Variants in ZNF850 observed in about 807,000 individuals in gnomAD.
The protein encoded by ZNF850 is zinc finger protein 850.
In ZNF850, 2 loss-of-function variants were observed where a neutral mutation model predicts 11.9. The observed-to-expected ratio is 0.17, with a 90% CI of 0.07 to 0.53. The LOEUF (loss-of-function observed/expected upper bound fraction) is 0.53. ZNF850 is among the 20% of genes least tolerant of loss of function. ZNF850 has a pLI of 0.94. For missense variants in ZNF850, 1,014 were observed against 1,316.4 expected, an observed-to-expected ratio of 0.77 and a Z score of 3.55; for synonymous variants, 381 against 443.0, an observed-to-expected ratio of 0.86 and a Z score of 1.76.
At position 36,749,232 on chromosome 19, in the gene ZNF850, G is replaced by A. The variant is rs1014603324; in HGVS notation, c.1808C>T (p.Thr603Ile). 11 of 1,589,498 alleles carry A rather than the reference G, an allele frequency of 6.9e-6. No individual in the cohort carries two copies. The African/African-American group carries it at 1.2e-4, about 18-fold the overall frequency. The change falls in exon 5 of 5, where the codon ACA (threonine) becomes ATA (isoleucine). Residue 603 changes from threonine (T) to isoleucine (I), a missense_variant. Transcript: ENST00000591344. ...GTGAATTTGCTGATGTTGAAGTAGT[G>A]TTGAGCCAACAGTAAAAGATTTTCC... ...ECGKSFTVGS[T>I]LLQHQQIHTG...
chr19:36,748,933 A>G lies in ZNF850; in HGVS notation c.2107T>C (p.Cys703Arg), dbSNP rs1301190791. ...RIHTGEKPYE[C>R]KECGKSFTFC... ...GTAAAAGATTTCCCACATTCTTTAC[A>G]TTCATAAGGTTTCTCACCAGTATGA... The change falls in exon 5 of 5, where the codon TGT becomes CGT. Residue 703 changes from cysteine to arginine, a missense_variant. Cys to Arg is a radical substitution (Grantham distance 180). Transcript: ENST00000591344. 12 of 1,578,448 alleles carry G rather than the reference A, an allele frequency of 7.6e-6. No individual in the cohort carries two copies. Among genetic ancestry groups the G allele is most frequent in the Admixed American group, 3.7e-5 (2 of 53,950 alleles).
rs2040400436 is a variant in ZNF850 at position 36,744,594 on chromosome 19, C to G, written c.*3173G>C. On this transcript the variant is annotated 3_prime_UTR_variant, in exon 5 of 5. Coordinates refer to ENST00000591344, the MANE Select transcript of ZNF850 (RefSeq NM_001193552.2). ...TGAGCCAAGATTGTGGCATTGCACT[C>G]CAGCCTGGGCAACACAGCAAAAACC... is the stretch of plus-strand genomic sequence containing the variant. 6.6e-6 allele frequency: 1 copy of G among 152,286 alleles called. No individual in the cohort carries two copies. The highest frequency in any genetic ancestry group is 6.6e-5 in the Admixed American group (1 of 15,262). The allele number at this position is 152,286 out of a possible 1,614,324, so 9.4% of individuals were successfully genotyped here.
intron 1 of ZNF850, among the ~76,000 whole-genome samples, chr19:36,764,048 C>T (rs1476638387): frequency 6.6e-6 from 1 of 151,870 alleles, no homozygotes; most frequent in African/African-American, 2.4e-5. Flanking sequence ...AGATAGAGAC[C>T]ATCCCGGCCA....
At chr19:36,758,348 T>C (rs1477497667) in intron 4 of ZNF850, among the ~76,000 whole-genome samples, 1 of 152,178 alleles carries the variant, frequency 6.6e-6, no homozygotes, top group Non-Finnish European at 1.5e-5. Context: ...CAAAAGCTCA[T>C]GGATTAAAAA....
chr19:36,762,536 G>C (rs1416048920), intron 2 of ZNF850, 59 bp downstream of exon 2: 3 of 1,536,288 alleles, frequency 2.0e-6, no homozygotes, highest in Non-Finnish European at 2.6e-6. Context: ...ACAGTGAGCA[G>C]ACCAGCTAGG....
At chr19:36,756,662 G>A (rs1006023471) in intron 4 of ZNF850, among the ~76,000 whole-genome samples, 1 of 152,102 alleles carries the variant, frequency 6.6e-6, no homozygotes, top group African/African-American at 2.4e-5. Context: ...TGCCTAGGCT[G>A]GAGTACAATG....
chr19:36,749,372 A>G lies in ZNF850; in HGVS notation c.1668T>C (p.Thr556=), dbSNP rs2040436539. The change falls in exon 5 of 5, where the codon ACT becomes ACC. Residue 556 remains threonine, a synonymous_variant. Transcript: ENST00000591344. ...SGLIGHQAVH[T]GEKPYDCKEC... ...CTTTACAATCATAGGGTTTCTCACC[A>G]GTGTGAACTGCCTGATGTCCAATTA... The G allele has an allele frequency of 6.5e-7, 1 of 1,549,966 alleles. No homozygotes were observed. The highest frequency in any genetic ancestry group is 8.7e-7 in the Non-Finnish European group (1 of 1,152,328).
At position 36,750,233 on chromosome 19, in the gene ZNF850, A is replaced by C. The variant is rs2040444733; in HGVS notation, c.807T>G (p.Ile269Met). The C allele has an allele frequency of 6.5e-7, 1 of 1,538,534 alleles. No homozygotes were observed. Among genetic ancestry groups the C allele is most frequent in the African/African-American group, 1.4e-5 (1 of 73,194 alleles). The change falls in exon 5 of 5, where the codon ATT becomes ATG. Residue 269 changes from isoleucine to methionine, a missense_variant. By Grantham distance (10) the Ile-to-Met change is conservative. Around this residue, in one of 2 missense-constraint regions of ZNF850, gnomAD observed 835 missense variants for 1,022.0 expected, o/e 0.82. Coordinates refer to ENST00000591344, the MANE Select transcript of ZNF850 (RefSeq NM_001193552.2). ...VKAFRPSAHL[I>M]QHWRIHTGDK... ...CACCAGTATGAATTCTCCAATGTTG[A>C]ATAAGATGTGCAGACGGTCTAAAGG...
chr19:36,751,021 G>T (rs1469690107), intron 4 of ZNF850, among the ~76,000 whole-genome samples: 3 of 141,508 alleles, frequency 2.1e-5, no homozygotes, highest in Non-Finnish European at 4.5e-5. Flanking sequence ...AGCTGTGATT[G>T]TGCCACTACA....
Position 36,750,225 on chromosome 19 carries a change from C to T in ZNF850, c.815G>A (p.Trp272Ter). Residue 272 changes from tryptophan (W) to a stop codon, truncating the protein, a stop_gained, in exon 5 of 5, where the codon TGG (tryptophan) becomes TAG (stop). Coordinates refer to ENST00000591344, the MANE Select transcript of ZNF850 (RefSeq NM_001193552.2). LOFTEE classifies it low-confidence loss of function (END_TRUNC). ...FRPSAHLIQH[W>*]RIHTGDKPYE... ...AGGTTTGTCACCAGTATGAATTCTC[C>T]AATGTTGAATAAGATGTGCAGACGG... 2 of 1,538,654 alleles carry T rather than the reference C, an allele frequency of 1.3e-6. No homozygotes were observed. The highest frequency in any genetic ancestry group is 2.4e-5 in the East Asian group (1 of 40,906).
chr19:36,747,635 CAAAA>C lies in ZNF850; in HGVS notation c.*128_*131del, dbSNP rs56769461. The stretch of plus-strand genomic sequence containing the variant: ...TGGGCGACAGAGCAAGACTCCGTCT[CAAAA>C]AAAAAAAAAAAAGTCGTAATTCTGG... On this transcript the variant is annotated 3_prime_UTR_variant, in exon 5 of 5. Coordinates refer to ENST00000591344, the MANE Select transcript of ZNF850 (RefSeq NM_001193552.2). The C allele has an allele frequency of 3.8e-4, 294 of 765,942 alleles. No homozygotes were observed. The highest frequency in any genetic ancestry group is 6.5e-4 in the South Asian group (25 of 38,310). The allele number at this position is 765,942 out of a possible 1,614,324, so 47.4% of individuals were successfully genotyped here.
intron 4 of ZNF850, among the ~76,000 whole-genome samples, chr19:36,752,737 A>C (rs1327028409): frequency 6.6e-6 from 1 of 152,168 alleles, no homozygotes; most frequent in African/African-American, 2.4e-5. Flanking sequence ...TTTCAAGGAG[A>C]AAAAGAGAAA....
chr19:36,762,045 CA>C lies in ZNF850; in HGVS notation c.139+259del, dbSNP rs374193379. Among the ~76,000 whole-genome samples, 470 of 114,188 alleles carry C rather than the reference CA, an allele frequency of 4.1e-3. 3 individuals carry two copies. Among genetic ancestry groups the C allele is most frequent in the African/African-American group, 0.012 (367 of 29,764 alleles). 74.9% of individuals were successfully genotyped at this position (114,188 alleles called of 152,430 possible). The stretch of plus-strand genomic sequence containing the variant: ...TGGGCGACAGAGTGAGACTTTGTCT[CA>C]AAAAAAAAAAAAAAAAGAAAAGAAG... On this transcript the variant is annotated intron_variant, in intron 3 of 4. Transcript: ENST00000591344.
chr19:36,762,123 T>C (rs1419079214), intron 3 of ZNF850, among the ~76,000 whole-genome samples, 182 bp downstream of exon 3: 3 of 151,650 alleles, frequency 2.0e-5, no homozygotes, highest in Non-Finnish European at 4.4e-5. Context: ...TTAGTCCTCA[T>C]GAAGGACTAG....
intron 1 of ZNF850, among the ~76,000 whole-genome samples, chr19:36,767,171 AG>A (rs2040554045): frequency 6.6e-6 from 1 of 151,992 alleles, no homozygotes; most frequent in African/African-American, 2.4e-5. Context: ...TGGGAGGCAG[AG>A]GTTACAGTGA....
chr19:36,747,579 T>C lies in ZNF850; in HGVS notation c.*188A>G. The C allele has an allele frequency of 2.0e-6, 1 of 502,920 alleles. No individual in the cohort carries two copies. The highest frequency in any genetic ancestry group is 3.3e-6 in the Non-Finnish European group (1 of 301,842). 31.2% of individuals were successfully genotyped at this position (502,920 alleles called of 1,614,324 possible). A position where few individuals can be genotyped will look rare whatever the true frequency, so the allele number is the denominator to read the frequency against. On this transcript the variant is annotated 3_prime_UTR_variant, in exon 5 of 5. Transcript: ENST00000591344. ...TGAACCCAGGAGGCAGAGCTTGCAG[T>C]GAGCCGAGATAGCGCCACTGCACTC... is the stretch of plus-strand genomic sequence containing the variant.
At chr19:36,767,670 A>G (rs1283043922) in intron 1 of ZNF850, among the ~76,000 whole-genome samples, 2 of 152,204 alleles carry the variant, frequency 1.3e-5, no homozygotes, top group Non-Finnish European at 2.9e-5. Flanking sequence ...TGAAGATTAC[A>G]GTGAGCTGAG....
At chr19:36,763,335 GT>G (rs890392340) in intron 1 of ZNF850, among the ~76,000 whole-genome samples, 5 of 151,996 alleles carry the variant, frequency 3.3e-5, no homozygotes, top group African/African-American at 4.8e-5. Flanking sequence ...GAGGTCGGGA[GT>G]TTGAGACCAG....
chr19:36,757,721 T>C (rs961560976), intron 4 of ZNF850, among the ~76,000 whole-genome samples: 3 of 151,992 alleles, frequency 2.0e-5, no homozygotes, highest in African/African-American at 7.2e-5. Flanking sequence ...CTGTGTTGAT[T>C]AGGCTGGTCA....
Sources: allele counts gnomAD v4.1 joint callset (sites outside exome capture counted in the v4.1 genomes callset), GRCh38; gene constraint gnomAD v4.1.1; regional missense constraint gnomAD v4.1.1; transcripts MANE v1.5; gene names NCBI Gene and HGNC (gene_info 2026-07-23, HGNC 2026-07-21).